The following STK24 variants were observed in gnomAD, a reference collection of about 807,000 sequenced individuals.
STK24 encodes serine/threonine kinase 24.
STK24 carries 21 observed loss-of-function variants against 55.6 expected under a neutral mutation model. The observed-to-expected ratio is 0.38, with a 90% CI of 0.27 to 0.54. The LOEUF (loss-of-function observed/expected upper bound fraction) is 0.54. Among genes scored for constraint, STK24 ranks in the 20% least tolerant of loss-of-function variants. The pLI is 0.79. For synonymous variants in STK24, 200 were observed against 215.2 expected, an observed-to-expected ratio of 0.93 and a Z score of 0.62; for missense variants, 383 against 538.4, an observed-to-expected ratio of 0.71 and a Z score of 2.86.
At chr13:98,513,312 A>C (rs550441471) in intron 2 of STK24, among the ~76,000 whole-genome samples, 69 of 152,322 alleles carry the variant, frequency 4.5e-4, no homozygotes, top group Admixed American at 9.8e-4. Context: ...ACCATTACTT[A>C]AACCTATTTT....
intron 1 of STK24, among the ~76,000 whole-genome samples, chr13:98,521,284 TG>T (rs1220292985): frequency 3.3e-5 from 5 of 152,150 alleles, no homozygotes; most frequent in African/African-American, 9.7e-5. Context: ...ATTTTTTTCC[TG>T]AACAATTGCT....
chr13:98,519,601 C>A, intron 1 of STK24, 128 bp from the exon 2 acceptor site: 1 of 769,006 alleles, frequency 1.3e-6, no homozygotes, highest in Non-Finnish European at 2.1e-6. Context: ...CTGTGTCCAG[C>A]ATCAGGCTGG....
At chr13:98,576,384 G>C (rs1897893864) in intron 1 of STK24, among the ~76,000 whole-genome samples, 1 of 152,044 alleles carries the variant, frequency 6.6e-6, no homozygotes, top group Non-Finnish European at 1.5e-5. Context: ...ACCCGGCGGG[G>C]GCCTCCAAGG....
rs1222640571 is a variant in STK24, at chr13:98,463,690, C to T, written c.929+1G>A. ...CTTGGGTCACTCAGGGGCCGACTTA[C>T]GCGTCGGAATCCTCGGAGCTCGAGT... On this transcript the variant is annotated splice_donor_variant, in intron 7 of 10. Transcript: ENST00000539966. LOFTEE classifies it high-confidence loss of function. 1.9e-6 allele frequency: 3 copies of T among 1,613,118 alleles called. No individual in the cohort carries two copies. Among genetic ancestry groups the T allele is most frequent in the Non-Finnish European group, 2.5e-6 (3 of 1,179,296 alleles).
chr13:98,469,544 C>CA lies in STK24; in HGVS notation c.598-2984dup, dbSNP rs56157936. Reference sequence around the variant, plus strand: ...GAGCAAGACCCTGCATCCCCCCCCCCAAAAAAAAAAGGCGGCGGGGGGAGG... The same window carrying CA: ...GAGCAAGACCCTGCATCCCCCCCCCCAAAAAAAAAAAGGCGGCGGGGGGAGG... On this transcript the variant is annotated intron_variant, in intron 5 of 10. Coordinates refer to ENST00000539966, the MANE Select transcript of STK24 (RefSeq NM_001032296.4). 2.4e-4 allele frequency among the ~76,000 whole-genome samples: 36 copies of CA among 148,730 alleles called. 1 individual carries two copies. In the South Asian group the frequency reaches 7.0e-3, roughly 29 times the overall value.
At chr13:98,469,070 T>C (rs1894037610) in intron 5 of STK24, among the ~76,000 whole-genome samples, 1 of 152,218 alleles carries the variant, frequency 6.6e-6, no homozygotes, top group South Asian at 2.1e-4. Flanking sequence ...GCCCGAGGAC[T>C]TGCTTTCAGG....
chr13:98,528,616 T>C (rs1196149960), intron 1 of STK24, among the ~76,000 whole-genome samples: 1 of 152,218 alleles, frequency 6.6e-6, no homozygotes, highest in African/African-American at 2.4e-5. Flanking sequence ...AATTGTTCTA[T>C]GATGACTGAA....
rs917207231 is a variant in STK24, at chr13:98,524,575, G to A, written c.43-5102C>T. 4.7e-4 allele frequency among the ~76,000 whole-genome samples: 72 copies of A among 152,182 alleles called. 1 individual carries two copies. Among genetic ancestry groups the A allele is most frequent in the African/African-American group, 1.6e-3 (68 of 41,434 alleles). ...CACACGAATGCACCTCAGCCAGGCGGGTGGAAAAACCACCCATTCACCCCA... is the reference window on the plus strand; with the variant it reads ...CACACGAATGCACCTCAGCCAGGCGAGTGGAAAAACCACCCATTCACCCCA... On this transcript the variant is annotated intron_variant, in intron 1 of 10. Transcript: ENST00000539966.
chr13:98,490,058 T>A (rs1894960891), intron 2 of STK24, among the ~76,000 whole-genome samples: 1 of 152,016 alleles, frequency 6.6e-6, no homozygotes, highest in Admixed American at 6.5e-5. Context: ...CAAGATGGTG[T>A]CCTCCTCTGC....
intron 10 of STK24, 45 bp from the exon 11 acceptor site, chr13:98,453,254 A>C: frequency 6.3e-7 from 1 of 1,585,944 alleles, no homozygotes; most frequent in Non-Finnish European, 8.6e-7. Flanking sequence ...GTCATTTCTC[A>C]TCCCTGTGCA....
At chr13:98,554,243 C>T (rs1024032730) in intron 1 of STK24, among the ~76,000 whole-genome samples, 1 of 152,060 alleles carries the variant, frequency 6.6e-6, no homozygotes, top group Admixed American at 6.5e-5. Context: ...AACAAACGTC[C>T]TCATTATTCC....
In STK24 at chr13:98,550,515, C is replaced by T. The variant is rs538468612; in HGVS notation, c.42+26230G>A. Among the ~76,000 whole-genome samples the T allele has an allele frequency of 1.4e-4, 21 of 152,274 alleles. No individual in the cohort carries two copies. In the Middle Eastern group the frequency reaches 0.014, roughly 99 times the overall value. Reference sequence around the variant, plus strand: ...CTGCACTCCAGCCTGGGTGAGGAAGCGAGACCCTCTCTCCAAAAACAACAA... The same window carrying T: ...CTGCACTCCAGCCTGGGTGAGGAAGTGAGACCCTCTCTCCAAAAACAACAA... On this transcript the variant is annotated intron_variant, in intron 1 of 10. Coordinates refer to ENST00000539966, the MANE Select transcript of STK24 (RefSeq NM_001032296.4).
intron 3 of STK24, among the ~76,000 whole-genome samples, chr13:98,477,083 T>C (rs190790349): frequency 1.5e-3 from 234 of 152,368 alleles, no homozygotes; most frequent in African/African-American, 5.4e-3. Context: ...CCACAGACTC[T>C]GTTCCCCAGA....
intron 10 of STK24, chr13:98,456,593 A>C (rs1357998939): frequency 2.1e-6 from 1 of 480,428 alleles, no homozygotes; most frequent in Non-Finnish European, 4.3e-6. Flanking sequence ...AGGGAGGGCA[A>C]AACTGTCACC....
At chr13:98,506,007 A>G (rs1895667526) in intron 2 of STK24, among the ~76,000 whole-genome samples, 1 of 152,232 alleles carries the variant, frequency 6.6e-6, no homozygotes, top group Non-Finnish European at 1.5e-5. Context: ...ATTCAAATAT[A>G]TGTTTTAGAT....
chr13:98,543,341 T>C (rs1302042197), intron 1 of STK24, among the ~76,000 whole-genome samples: 1 of 152,110 alleles, frequency 6.6e-6, no homozygotes, highest in Non-Finnish European at 1.5e-5. Context: ...GCACTCAGAT[T>C]TGAGAAACCT....
chr13:98,471,420 C>G (rs1337584778), intron 5 of STK24, among the ~76,000 whole-genome samples: 2 of 152,190 alleles, frequency 1.3e-5, no homozygotes, highest in Non-Finnish European at 2.9e-5. Flanking sequence ...AGCCCAAGAC[C>G]TTTCTCTAGT....
rs150339876 is a variant in STK24, at chr13:98,527,405, C to A, written c.43-7932G>T. 1.1e-3 allele frequency among the ~76,000 whole-genome samples: 165 copies of A among 152,304 alleles called. 1 individual carries two copies. The highest frequency in any genetic ancestry group is 3.4e-3 in the Middle Eastern group (1 of 294). On this transcript the variant is annotated intron_variant, in intron 1 of 10. Transcript: ENST00000539966. ...GGCCAAGACCCCACCCCAATTAGAG[C>A]GGTGGGAACATGTGGCCTGCAAAGG...
rs549825718 is a variant in STK24, at chr13:98,448,100, C to T, written c.*5073G>A. 1 of 724,794 alleles carries T rather than the reference C, an allele frequency of 1.4e-6. No homozygotes were observed. Among genetic ancestry groups the T allele is most frequent in the Admixed American group, 2.1e-5 (1 of 48,538 alleles). 44.9% of individuals were successfully genotyped at this position (724,794 alleles called of 1,614,324 possible). On this transcript the variant is annotated 3_prime_UTR_variant, in exon 11 of 11. Coordinates refer to ENST00000539966, the MANE Select transcript of STK24 (RefSeq NM_001032296.4). ...GGAACGCCTGGGTGCTGGCTGTTCC[C>T]TTGCTCTTCTGCTGAAGTGGCAGAT...
Sources: allele counts gnomAD v4.1 joint callset (sites outside exome capture counted in the v4.1 genomes callset), GRCh38; gene constraint gnomAD v4.1.1; transcripts MANE v1.5; gene names NCBI Gene and HGNC (gene_info 2026-07-23, HGNC 2026-07-21).